Variants in MFAP3L observed in about 807,000 individuals in gnomAD.
The protein encoded by MFAP3L is microfibril associated protein 3 like, also known as microfibrillar-associated protein 3-like.
MFAP3L carries 5 observed loss-of-function variants against 20.0 expected under a neutral mutation model. The observed-to-expected ratio is 0.25, with a 90% CI of 0.13 to 0.53. The LOEUF is 0.53. MFAP3L is among the 20% of genes least tolerant of loss of function. The probability of loss-of-function intolerance (pLI) is 0.96; values close to 1 mark genes in which losing one functional copy is unlikely to be tolerated. For missense variants in MFAP3L, 409 were observed against 527.5 expected (o/e 0.78, Z 2.20); for synonymous variants, 219 against 213.0 (o/e 1.03, Z -0.25).
At chr4:170,023,478 C>T (rs186805700) in intron 1 of MFAP3L, among the ~76,000 whole-genome samples, 1 of 152,272 alleles carries the variant, frequency 6.6e-6, no homozygotes, top group African/African-American at 2.4e-5. Flanking sequence ...CATAATCAAC[C>T]AAACCCTTTG....
chr4:169,994,657 T>C (rs1420016407), intron 2 of MFAP3L: 4 of 616,972 alleles, frequency 6.5e-6, no homozygotes, highest in Non-Finnish European at 8.1e-6. Context: ...ACTTCAAACA[T>C]TTCTTGTGAC....
In MFAP3L at chr4:169,991,942, G is replaced by A; in HGVS notation, c.666C>T (p.Val222=). ...TSAKTLELAK[V]TQFKTMEFAR... is the part of the protein sequence containing the mutation. Reference sequence around the variant, plus strand: ...CGAACTCCATGGTTTTGAACTGGGTGACTTTGGCAAGCTCTAGAGTTTTGG... The same window carrying A: ...CGAACTCCATGGTTTTGAACTGGGTAACTTTGGCAAGCTCTAGAGTTTTGG... The change falls in exon 3 of 3, where the codon GTC becomes GTT. Residue 222 remains valine (V), a synonymous_variant. Coordinates refer to ENST00000361618, the MANE Select transcript of MFAP3L (RefSeq NM_021647.8). This position sits in a 1 kb window ranked among gnomAD's most constrained non-coding sequence, Gnocchi z 4.9. 6.2e-7 allele frequency: 1 copy of A among 1,614,212 alleles called. No homozygotes were observed. Among genetic ancestry groups the A allele is most frequent in the Admixed American group, 1.7e-5 (1 of 60,022 alleles).
Position 169,994,080 on chromosome 4 carries a change from C to T in MFAP3L, c.299-1771G>A, listed in dbSNP as rs1447620741. The T allele has an allele frequency of 4.0e-6, 3 of 743,748 alleles. No homozygotes were observed. The Admixed American group carries it at 1.9e-4, about 47-fold the overall frequency. 46.1% of individuals were successfully genotyped at this position (743,748 alleles called of 1,614,324 possible). ...AATTTGCATGTCTTATAAAAGTAGA[C>T]TACAGCAGGCATGGACAAAAACAGA... On this transcript the variant is annotated intron_variant, in intron 2 of 2. Coordinates refer to ENST00000361618, the MANE Select transcript of MFAP3L (RefSeq NM_021647.8).
At chr4:170,011,276 C>T (rs1754242995) in intron 1 of MFAP3L, among the ~76,000 whole-genome samples, 1 of 152,108 alleles carries the variant, frequency 6.6e-6, no homozygotes, top group African/African-American at 2.4e-5. Flanking sequence ...AAGTCAAGGG[C>T]CAAGAAATCT....
Position 170,026,319 on chromosome 4 carries a change from C to G in MFAP3L, c.-219G>C. 1 of 981,846 alleles carries G rather than the reference C, an allele frequency of 1.0e-6. No homozygotes were observed. Among genetic ancestry groups the G allele is most frequent in the Non-Finnish European group, 1.2e-6 (1 of 827,586 alleles). 60.8% of individuals were successfully genotyped at this position (981,846 alleles called of 1,614,324 possible). ...GCGGCCGCTGCGCCGCACTCTGCGC[C>G]GGACGCCCGGTAGCGCCTACTGCGG... On this transcript the variant is annotated 5_prime_UTR_variant, in exon 1 of 3. Transcript: ENST00000361618.
intron 1 of MFAP3L, among the ~76,000 whole-genome samples, 152 bp from the exon 2 acceptor site, chr4:170,006,162 G>T (rs1474135488): frequency 7.3e-5 from 11 of 149,854 alleles, no homozygotes. Context: ...GCCCAGGCTA[G>T]AGTGCAGTGG....
intron 2 of MFAP3L, among the ~76,000 whole-genome samples, chr4:169,996,934 C>T (rs1011503825): frequency 6.6e-6 from 1 of 152,136 alleles, no homozygotes; most frequent in African/African-American, 2.4e-5. Flanking sequence ...CACATTTAGC[C>T]CAGTTAAGAC....
intron 1 of MFAP3L, among the ~76,000 whole-genome samples, chr4:170,009,010 G>A (rs913992565): frequency 4.6e-5 from 7 of 152,272 alleles, no homozygotes; most frequent in South Asian, 4.1e-4. Context: ...AAGATATCAC[G>A]TGACTCTGGA....
intron 2 of MFAP3L, among the ~76,000 whole-genome samples, chr4:169,999,879 T>C (rs975348633): frequency 1.3e-5 from 2 of 152,230 alleles, no homozygotes; most frequent in Non-Finnish European, 2.9e-5. Flanking sequence ...CGGGTACTAC[T>C]GACATTTGGG....
chr4:169,998,017 C>A (rs977509012), intron 2 of MFAP3L, among the ~76,000 whole-genome samples: 1 of 151,986 alleles, frequency 6.6e-6, no homozygotes, highest in Admixed American at 6.5e-5. Flanking sequence ...AACCAAACAA[C>A]GTAATAATAA....
intron 1 of MFAP3L, among the ~76,000 whole-genome samples, chr4:170,011,540 T>C (rs1739379466): frequency 3.3e-5 from 5 of 152,074 alleles, no homozygotes; most frequent in Admixed American, 3.3e-4. Context: ...GGGCATTGCT[T>C]TTAGGTTAGT....
At chr4:169,997,185 C>T (rs1185633605) in intron 2 of MFAP3L, among the ~76,000 whole-genome samples, 1 of 152,026 alleles carries the variant, frequency 6.6e-6, no homozygotes, top group Non-Finnish European at 1.5e-5. Context: ...AAATAAATTC[C>T]AACTACTCCG....
Position 170,005,959 on chromosome 4 carries a change from G to A in MFAP3L, c.-82C>T. The A allele has an allele frequency of 3.3e-6, 5 of 1,516,402 alleles. No individual in the cohort carries two copies. Among genetic ancestry groups the A allele is most frequent in the Admixed American group, 2.0e-5 (1 of 49,914 alleles). The allele number at this position is 1,516,402 out of a possible 1,614,324, so 93.9% of individuals were successfully genotyped here. A position where few individuals can be genotyped will look rare whatever the true frequency, so the allele number is the denominator to read the frequency against. ...TCAGACAACACACTGTTCACAGCAG[G>A]TCATGGGACAAACCTGTCCTGGGTC... On this transcript the variant is annotated 5_prime_UTR_variant, in exon 2 of 3. Transcript: ENST00000361618.
At chr4:170,004,639 G>T (rs1738911433) in intron 2 of MFAP3L, among the ~76,000 whole-genome samples, 1 of 152,028 alleles carries the variant, frequency 6.6e-6, no homozygotes, top group South Asian at 2.1e-4. Context: ...CTTTTTTCAG[G>T]GCAATTAAGA....
chr4:169,997,799 A>ATTAT, intron 2 of MFAP3L: 3 of 890,640 alleles, frequency 3.4e-6, no homozygotes, highest in Non-Finnish European at 3.8e-6. Flanking sequence ...CCTTTCATTA[A>ATTAT]TTCTTTTTTT....
At chr4:170,025,539 T>A (rs997934905) in intron 1 of MFAP3L, among the ~76,000 whole-genome samples, 3 of 152,220 alleles carry the variant, frequency 2.0e-5, no homozygotes, top group Non-Finnish European at 2.9e-5. Flanking sequence ...TGCAAGTTTT[T>A]TTTTCAGGGC....
At chr4:170,012,968 T>C (rs1178935577) in intron 1 of MFAP3L, among the ~76,000 whole-genome samples, 2 of 152,190 alleles carry the variant, frequency 1.3e-5, no homozygotes, top group Non-Finnish European at 2.9e-5. Flanking sequence ...TTATTTTTTT[T>C]TTGATACACA....
intron 2 of MFAP3L, among the ~76,000 whole-genome samples, chr4:170,000,210 A>G (rs1254866536): frequency 6.6e-6 from 1 of 152,254 alleles, no homozygotes; most frequent in African/African-American, 2.4e-5. Context: ...CCAGGAAAGG[A>G]GGCCTCTGAT....
intron 2 of MFAP3L, 33 bp downstream of exon 2, chr4:170,005,547 T>C: frequency 6.3e-7 from 1 of 1,597,852 alleles, no homozygotes; most frequent in Non-Finnish European, 8.6e-7. Context: ...GTTTATATTT[T>C]ATTATGACAT....
Sources: allele counts gnomAD v4.1 joint callset (sites outside exome capture counted in the v4.1 genomes callset), GRCh38; gene constraint gnomAD v4.1.1; non-coding constraint Gnocchi (gnomAD v3.1); transcripts MANE v1.5; gene names NCBI Gene and HGNC (gene_info 2026-07-23, HGNC 2026-07-21).